The following SNTG2 variants were observed in gnomAD, a reference collection of about 807,000 sequenced individuals.
SNTG2 encodes the protein gamma-2-syntrophin.
A neutral mutation model predicts 70.9 loss-of-function variants in SNTG2; 74 were observed. The observed-to-expected ratio is 1.04, with a 90% CI of 0.86 to 1.27. The LOEUF (loss-of-function observed/expected upper bound fraction) is 1.27, where lower values mean the gene tolerates loss of function less well. SNTG2 is among the 50% of genes most tolerant of loss of function. The pLI is 0.00. For missense variants in SNTG2, 717 were observed against 690.7 expected (o/e 1.04, Z -0.43); for synonymous variants, 278 against 273.8 (o/e 1.02, Z -0.15).
chr2:1,040,324 C>T (rs1364996075), intron 1 of SNTG2, among the ~76,000 whole-genome samples: 2 of 152,178 alleles, frequency 1.3e-5, no homozygotes, highest in East Asian at 1.9e-4. Context: ...TTGAGAACCC[C>T]TTCTCTGGCC....
At position 1,220,503 on chromosome 2, in the gene SNTG2, G is replaced by A. The variant is rs566513933; in HGVS notation, c.719+11273G>A. 6.6e-5 allele frequency among the ~76,000 whole-genome samples: 10 copies of A among 152,298 alleles called. No homozygotes were observed. In the South Asian group the frequency reaches 1.9e-3, roughly 28 times the overall value. ...TTGCCTCATGTCCCTGGAGAGCCCC[G>A]GTCTGAGGTTGATGACATGTGGGAC... On this transcript the variant is annotated intron_variant, in intron 9 of 16. Transcript: ENST00000308624.
intron 1 of SNTG2, among the ~76,000 whole-genome samples, chr2:959,583 G>A (rs1356654726): frequency 6.6e-6 from 1 of 151,934 alleles, no homozygotes; most frequent in Non-Finnish European, 1.5e-5. Context: ...TGTTCCCGCA[G>A]TGGGCTGTGC....
At chr2:1,176,552 A>C (rs536804190) in intron 8 of SNTG2, among the ~76,000 whole-genome samples, 41 of 152,336 alleles carry the variant, frequency 2.7e-4, no homozygotes, top group African/African-American at 9.9e-4. Flanking sequence ...CATCAGAGTG[A>C]ACAGGCAAGT....
intron 16 of SNTG2, among the ~76,000 whole-genome samples, chr2:1,333,734 C>T (rs1189615093): frequency 6.6e-6 from 1 of 152,108 alleles, no homozygotes; most frequent in Non-Finnish European, 1.5e-5. Context: ...TGGCAAGCCA[C>T]ATGCAGAAAA....
rs116564603 is a variant in SNTG2, at chr2:1,313,704, C to T, written c.1378-2561C>T. Among the ~76,000 whole-genome samples the T allele has an allele frequency of 3.5e-3, 530 of 152,208 alleles. 4 individuals are homozygous for T. The highest frequency in any genetic ancestry group is 0.012 in the African/African-American group (499 of 41,524). Reference sequence around the variant, plus strand: ...CGATTATGAGAGGAGCCACCACGTCCGGCCACACAGCTCTGAGAAGGGCAG... The same window carrying T: ...CGATTATGAGAGGAGCCACCACGTCTGGCCACACAGCTCTGAGAAGGGCAG... On this transcript the variant is annotated intron_variant, in intron 15 of 16. Coordinates refer to ENST00000308624, the MANE Select transcript of SNTG2 (RefSeq NM_018968.4).
chr2:1,230,554 C>A (rs1178956633), intron 9 of SNTG2, among the ~76,000 whole-genome samples: 1 of 152,212 alleles, frequency 6.6e-6, no homozygotes, highest in Non-Finnish European at 1.5e-5. Context: ...CTCGTTTGAT[C>A]TCAGATAACC....
rs1035723356 is a variant in SNTG2, at chr2:1,142,437, C to T, written c.411+4628C>T. 7.9e-5 allele frequency among the ~76,000 whole-genome samples: 12 copies of T among 152,352 alleles called. 1 individual carries two copies. Among genetic ancestry groups the T allele is most frequent in the African/African-American group, 2.6e-4 (11 of 41,588 alleles). ...GGCATAGCCCAGTACCATGCCTGCTCAGCAGGAAAGTGCCACAGCAGAGTT... is the reference window on the plus strand; with the variant it reads ...GGCATAGCCCAGTACCATGCCTGCTTAGCAGGAAAGTGCCACAGCAGAGTT... On this transcript the variant is annotated intron_variant, in intron 6 of 16. Coordinates refer to ENST00000308624, the MANE Select transcript of SNTG2 (RefSeq NM_018968.4).
intron 1 of SNTG2, among the ~76,000 whole-genome samples, chr2:1,052,964 T>C (rs13007863): frequency 0.28 from 43,286 of 152,232 alleles, 6,415 homozygotes; most frequent in African/African-American, 0.36. Context: ...GGATCTGTGG[T>C]GATTTGTGAG....
intron 16 of SNTG2, among the ~76,000 whole-genome samples, chr2:1,359,345 G>A (rs1661020249): frequency 6.6e-6 from 1 of 151,970 alleles, no homozygotes; most frequent in South Asian, 2.1e-4. Flanking sequence ...TTTTGATTAG[G>A]GATGCTCAAC....
chr2:1,328,898 T>C (rs1048193073), intron 16 of SNTG2, among the ~76,000 whole-genome samples: 1 of 134,238 alleles, frequency 7.4e-6, no homozygotes, highest in Non-Finnish European at 1.6e-5. Context: ...CACACATGCA[T>C]GCACACACAC....
At chr2:1,034,257 A>G (rs922869442) in intron 1 of SNTG2, among the ~76,000 whole-genome samples, 4 of 152,152 alleles carry the variant, frequency 2.6e-5, no homozygotes, top group Admixed American at 6.5e-5. Context: ...CTCCAGCTCC[A>G]TCCATATTCC....
intron 6 of SNTG2, among the ~76,000 whole-genome samples, chr2:1,162,536 C>G (rs1670389162): frequency 6.6e-6 from 1 of 152,106 alleles, no homozygotes; most frequent in African/African-American, 2.4e-5. Flanking sequence ...CTGTCACTTG[C>G]TGGGAGGTGG....
chr2:1,157,324 A>C (rs1446068721), intron 6 of SNTG2, among the ~76,000 whole-genome samples: 6 of 151,766 alleles, frequency 4.0e-5, no homozygotes, highest in African/African-American at 1.5e-4. Flanking sequence ...GCTGAAGTGC[A>C]CCCCGGCACT....
intron 1 of SNTG2, among the ~76,000 whole-genome samples, chr2:1,040,824 G>A (rs1251245485): frequency 6.6e-6 from 1 of 152,196 alleles, no homozygotes; most frequent in Admixed American, 6.5e-5. Context: ...CACCCTTGAC[G>A]TTTGATATTA....
rs904355953 is a variant in SNTG2, at chr2:1,203,669, A to C, written c.592-5434A>C. On this transcript the variant is annotated intron_variant, in intron 8 of 16. Coordinates refer to ENST00000308624, the MANE Select transcript of SNTG2 (RefSeq NM_018968.4). ...ACCTTGTCTCAAAAACAAACAAAAA[A>C]AAAAATATATATATATATATATGTG... Among the ~76,000 whole-genome samples the C allele has an allele frequency of 2.5e-3, 239 of 94,254 alleles. 1 individual carries two copies. Among genetic ancestry groups the C allele is most frequent in the African/African-American group, 7.9e-3 (220 of 27,690 alleles). 61.8% of individuals were successfully genotyped at this position (94,254 alleles called of 152,430 possible).
Position 1,326,990 on chromosome 2 carries a change from A to G in SNTG2, c.1488+10615A>G, listed in dbSNP as rs144724741. ...ATCACACCCCCAAGTCTTTCTTGAA[A>G]TCTTCCTTACAAAAAATATATCTTC... On this transcript the variant is annotated intron_variant, in intron 16 of 16. Coordinates refer to ENST00000308624, the MANE Select transcript of SNTG2 (RefSeq NM_018968.4). Among the ~76,000 whole-genome samples, 583 of 152,098 alleles carry G rather than the reference A, an allele frequency of 3.8e-3. 3 individuals are homozygous for G. The highest frequency in any genetic ancestry group is 0.013 in the African/African-American group (559 of 41,546).
chr2:1,027,133 C>G (rs1243413271), intron 1 of SNTG2, among the ~76,000 whole-genome samples: 1 of 152,166 alleles, frequency 6.6e-6, no homozygotes, highest in East Asian at 1.9e-4. Context: ...CAGCTCTCCC[C>G]TACATCTGCT....
chr2:1,225,717 G>A (rs540307365), intron 9 of SNTG2, among the ~76,000 whole-genome samples: 12 of 152,336 alleles, frequency 7.9e-5, no homozygotes, highest in Middle Eastern at 3.4e-3. Context: ...TTTAAGCACC[G>A]TCTGGACTAA....
At chr2:1,300,791 T>C (rs2148235777) in intron 14 of SNTG2, among the ~76,000 whole-genome samples, 1 of 152,320 alleles carries the variant, frequency 6.6e-6, no homozygotes, top group African/African-American at 2.4e-5. Flanking sequence ...TGAACTTGAG[T>C]GTGCTATTTA....
Sources: gnomAD v4.1 joint callset for allele counts (sites outside exome capture counted in the v4.1 genomes callset) on GRCh38, gnomAD v4.1.1 for gene constraint, MANE v1.5 for transcripts, NCBI Gene and HGNC (gene_info 2026-07-23, HGNC 2026-07-21) for gene names.